MIS18BP1: variants seen among roughly 807,000 people sequenced by gnomAD.
The protein encoded by MIS18BP1 is MIS18 binding protein 1.
A neutral mutation model predicts 116.1 loss-of-function variants in MIS18BP1; 72 were observed. The observed-to-expected ratio is 0.62, with a 90% CI of 0.51 to 0.75. The LOEUF is 0.75. MIS18BP1 is among the 30% of genes least tolerant of loss of function. The pLI is 0.00. For missense variants in MIS18BP1, 1,363 were observed against 1,303.2 expected (o/e 1.05, Z -0.71); for synonymous variants, 386 against 427.0 (o/e 0.90, Z 1.18).
intron 11 of MIS18BP1, among the ~76,000 whole-genome samples, 180 bp from the exon 12 acceptor site, chr14:45,218,634 G>A (rs1324659546): frequency 2.0e-5 from 3 of 151,212 alleles, no homozygotes; most frequent in Non-Finnish European, 4.4e-5. Flanking sequence ...TAACTCTAGT[G>A]CTTAAAATAT....
At chr14:45,209,884 TG>T (rs960456133) in intron 14 of MIS18BP1, among the ~76,000 whole-genome samples, 2 of 152,252 alleles carry the variant, frequency 1.3e-5, no homozygotes, top group African/African-American at 4.8e-5. Context: ...TTTGTAGGAA[TG>T]CTGTATATAT....
intron 6 of MIS18BP1, 29 bp from the exon 7 acceptor site, chr14:45,232,849 T>C (rs777687428): frequency 1.9e-6 from 2 of 1,052,674 alleles, no homozygotes; most frequent in Non-Finnish European, 2.8e-6. Flanking sequence ...CAACAAAAAG[T>C]ATTTAAAAGC....
At chr14:45,210,242 C>T in intron 14 of MIS18BP1, 138 bp downstream of exon 14, 1 of 884,486 alleles carries the variant, frequency 1.1e-6, no homozygotes, top group Non-Finnish European at 1.7e-6. Flanking sequence ...CCATCCTTAA[C>T]TTCTAGAAAC....
intron 13 of MIS18BP1, 144 bp from the exon 14 acceptor site, chr14:45,210,672 T>A (rs1018945157): frequency 1.1e-6 from 1 of 883,556 alleles, no homozygotes. Context: ...CGTAGAGGAG[T>A]AGAGGCTAGA....
At chr14:45,227,101 C>T (rs1891142645) in intron 9 of MIS18BP1, among the ~76,000 whole-genome samples, 1 of 152,128 alleles carries the variant, frequency 6.6e-6, no homozygotes, top group Admixed American at 6.6e-5. Context: ...TTTATTTAAG[C>T]TTTACTCTAA....
intron 1 of MIS18BP1, among the ~76,000 whole-genome samples, chr14:45,248,661 C>G (rs1057374045): frequency 4.0e-5 from 6 of 151,704 alleles, no homozygotes; most frequent in African/African-American, 1.5e-4. Flanking sequence ...GAGAAATAAG[C>G]AATTAATATA....
chr14:45,252,969 G>A (rs1407913634), intron 1 of MIS18BP1, 66 bp downstream of exon 1: 1 of 152,274 alleles, frequency 6.6e-6, no homozygotes, highest in Non-Finnish European at 1.5e-5. Flanking sequence ...ATGCTTAAAG[G>A]GCAGACGCCC....
At chr14:45,215,994 G>A (rs1890808486) in intron 13 of MIS18BP1, among the ~76,000 whole-genome samples, 2 of 152,218 alleles carry the variant, frequency 1.3e-5, no homozygotes, top group African/African-American at 2.4e-5. Flanking sequence ...GTGAGCCACC[G>A]CACCTGTCCT....
At chr14:45,224,838 A>G (rs1014227976) in intron 10 of MIS18BP1, 92 bp from the exon 11 acceptor site, 3 of 996,260 alleles carry the variant, frequency 3.0e-6, no homozygotes, top group Admixed American at 2.9e-5. Context: ...CAAATAAAAG[A>G]TACTATTTTT....
chr14:45,207,768 G>C (rs1890558868), intron 14 of MIS18BP1, among the ~76,000 whole-genome samples: 2 of 152,172 alleles, frequency 1.3e-5, no homozygotes, highest in Admixed American at 6.5e-5. Flanking sequence ...ATAACTGTTT[G>C]ATTACTTAAA....
Position 45,237,556 on chromosome 14 carries a change from T to G in MIS18BP1, c.1217+92A>C, listed in dbSNP as rs1891462473. Reference sequence around the variant, plus strand: ...GTTCATAACCTTGTTAGGTCTTTGCTTTGTGGAGGATGCTATTTCTCATGC... The same window carrying G: ...GTTCATAACCTTGTTAGGTCTTTGCGTTGTGGAGGATGCTATTTCTCATGC... On this transcript the variant is annotated intron_variant, in intron 5 of 16. Coordinates refer to ENST00000310806, the MANE Select transcript of MIS18BP1 (RefSeq NM_018353.5). 14 of 1,441,398 alleles carry G rather than the reference T, an allele frequency of 9.7e-6. 2 individuals carry two copies. The South Asian group carries it at 1.9e-4, about 20-fold the overall frequency. 89.3% of individuals were successfully genotyped at this position (1,441,398 alleles called of 1,614,324 possible).
intron 11 of MIS18BP1, among the ~76,000 whole-genome samples, chr14:45,219,762 A>C (rs1265967569): frequency 6.6e-6 from 1 of 152,220 alleles, no homozygotes; most frequent in Non-Finnish European, 1.5e-5. Flanking sequence ...TTCTAAAGTG[A>C]ACAACTAGAA....
Position 45,249,700 on chromosome 14 carries a change from G to A in MIS18BP1, c.-91-2323C>T, listed in dbSNP as rs988312998. ...AGCCTGGCCAACACGGTGAATCCCCGTCTTTACTAAAAATGTAAAAATTAG... is the reference window on the plus strand; with the variant it reads ...AGCCTGGCCAACACGGTGAATCCCCATCTTTACTAAAAATGTAAAAATTAG... On this transcript the variant is annotated intron_variant, in intron 1 of 16. Coordinates refer to ENST00000310806, the MANE Select transcript of MIS18BP1 (RefSeq NM_018353.5). 4.6e-5 allele frequency among the ~76,000 whole-genome samples: 7 copies of A among 152,206 alleles called. No individual in the cohort carries two copies. The East Asian group carries it at 9.7e-4, about 21-fold the overall frequency.
chr14:45,210,641 A>G, intron 13 of MIS18BP1, 113 bp from the exon 14 acceptor site: 1 of 1,315,140 alleles, frequency 7.6e-7, no homozygotes, highest in Non-Finnish European at 1.1e-6. Context: ...TTTCCAAGTT[A>G]GATAATTAAA....
chr14:45,221,393 C>T (rs745999994), intron 11 of MIS18BP1, among the ~76,000 whole-genome samples: 13 of 151,736 alleles, frequency 8.6e-5, no homozygotes, highest in African/African-American at 2.7e-4. Flanking sequence ...GCAGAGATCG[C>T]GCCACTTCAC....
chr14:45,220,209 T>C, intron 11 of MIS18BP1, among the ~76,000 whole-genome samples: 1 of 152,102 alleles, frequency 6.6e-6, no homozygotes, highest in Admixed American at 6.5e-5. Flanking sequence ...GCGATCCCCC[T>C]GACTCCGCCT....
At chr14:45,240,917 AATAG>A (rs1327295168) in intron 4 of MIS18BP1, among the ~76,000 whole-genome samples, 11 of 152,002 alleles carry the variant, frequency 7.2e-5, no homozygotes, top group Admixed American at 4.6e-4. Context: ...TAAATAAATA[AATAG>A]ATAGATAAAT....
Position 45,246,779 on chromosome 14 carries a change from T to G in MIS18BP1, c.508A>C (p.Asn170His), listed in dbSNP as rs776266991. ...HTYLCEEKEN[N>H]KSFQSDDSSL... is the part of the protein sequence containing the mutation. ...CTGTCATCTGACTGGAATGATTTGT[T>G]GTTTTCCTTTTCTTCACATAGGTAG... The change falls in exon 2 of 17, where the codon AAC becomes CAC. Residue 170 changes from asparagine to histidine, a missense_variant. Transcript: ENST00000310806. 6.3e-7 allele frequency: 1 copy of G among 1,578,376 alleles called. No homozygotes were observed. The highest frequency in any genetic ancestry group is 1.2e-5 in the South Asian group (1 of 84,040).
intron 4 of MIS18BP1, chr14:45,241,754 C>A: frequency 4.0e-6 from 1 of 251,048 alleles, no homozygotes; most frequent in South Asian, 7.5e-5. Flanking sequence ...TGTTCATCAC[C>A]AAAAGGAACA....
Sources: gnomAD v4.1 joint callset for allele counts (sites outside exome capture counted in the v4.1 genomes callset) on GRCh38, gnomAD v4.1.1 for gene constraint, MANE v1.5 for transcripts, NCBI Gene and HGNC (gene_info 2026-07-23, HGNC 2026-07-21) for gene names.